Variants in ROS1 observed in about 807,000 individuals in gnomAD.
ROS1 encodes proto-oncogene tyrosine-protein kinase ROS.
Under a neutral mutation model 273.5 loss-of-function variants are expected in ROS1, and 263 were observed. The ratio of observed to expected loss-of-function variants is 0.96; its 90% confidence interval spans 0.87 to 1.06. The LOEUF (loss-of-function observed/expected upper bound fraction) is 1.06, where lower values mean the gene tolerates loss of function less well. Ranked by LOEUF, ROS1 falls within the 50% of genes least tolerant of loss-of-function variation. The probability of loss-of-function intolerance (pLI) is 0.00; values close to 1 mark genes in which losing one functional copy is unlikely to be tolerated. For missense variants in ROS1, 2,833 were observed against 2,751.1 expected, an observed-to-expected ratio of 1.03 and a Z score of -0.67; for synonymous variants, 1,008 against 954.1, an observed-to-expected ratio of 1.06 and a Z score of -1.04.
chr6:117,398,088 C>T (rs1009123917), intron 7 of ROS1, among the ~76,000 whole-genome samples: 3 of 152,206 alleles, frequency 2.0e-5, no homozygotes, highest in African/African-American at 7.2e-5. Context: ...CACTCCTCGG[C>T]TCCATGTAGT....
At chr6:117,347,506 T>C (rs1778476041) in intron 27 of ROS1, among the ~76,000 whole-genome samples, 1 of 152,102 alleles carries the variant, frequency 6.6e-6, no homozygotes, top group African/African-American at 2.4e-5. Flanking sequence ...ATGTCATCTG[T>C]GAACAAAGAC....
In ROS1 at chr6:117,357,963, T is replaced by C. The variant is rs1161261865; in HGVS notation, c.3680A>G (p.Asp1227Gly). 8 of 1,613,698 alleles carry C rather than the reference T, an allele frequency of 5.0e-6. No homozygotes were observed. Among genetic ancestry groups the C allele is most frequent in the Non-Finnish European group, 5.9e-6 (7 of 1,179,786 alleles). Residue 1227 changes from aspartate (D) to glycine (G), a missense_variant, in exon 25 of 44, where the codon GAC (aspartate) becomes GGC (glycine). Physicochemically the swap from Asp to Gly is moderately conservative, Grantham distance 94 (BLOSUM62 -1). Transcript: ENST00000368507. Reference protein sequence around the residue: ...LVFDITVITIDWISRHLYFAL... With the variant: ...LVFDITVITIGWISRHLYFAL... ...AAAGTAGAGGTGCCTTGAAATCCAG[T>C]CAATTGTAATAACTGTGATATCAAA...
chr6:117,320,100 T>C, intron 36 of ROS1, 70 bp from the exon 37 acceptor site: 1 of 1,354,140 alleles, frequency 7.4e-7, no homozygotes, highest in Non-Finnish European at 1.0e-6. Context: ...GTGTTGGTAT[T>C]GGTATTTGTG....
intron 13 of ROS1, among the ~76,000 whole-genome samples, chr6:117,388,311 T>C (rs1349826290): frequency 6.6e-6 from 1 of 152,152 alleles, no homozygotes; most frequent in East Asian, 1.9e-4. Flanking sequence ...ATCAGGCTCT[T>C]AATAAAAAAT....
At chr6:117,309,310 G>A (rs904572237) in intron 41 of ROS1, among the ~76,000 whole-genome samples, 1 of 152,046 alleles carries the variant, frequency 6.6e-6, no homozygotes, top group African/African-American at 2.4e-5. Flanking sequence ...ATATATACAT[G>A]TATACACACA....
At chr6:117,313,571 C>CAA (rs779633445) in intron 39 of ROS1, among the ~76,000 whole-genome samples, 3 of 115,544 alleles carry the variant, frequency 2.6e-5, no homozygotes, top group African/African-American at 3.2e-5. Context: ...AGACTCTGTC[C>CAA]AAAAAAAAAA....
chr6:117,384,367 C>T (rs1772395484), intron 16 of ROS1, among the ~76,000 whole-genome samples: 2 of 152,120 alleles, frequency 1.3e-5, no homozygotes, highest in African/African-American at 2.4e-5. Flanking sequence ...ACTAAAAAAT[C>T]TCTGAATTCT....
intron 26 of ROS1, among the ~76,000 whole-genome samples, chr6:117,354,835 C>A (rs1465481249): frequency 6.6e-6 from 1 of 152,106 alleles, no homozygotes; most frequent in Non-Finnish European, 1.5e-5. Context: ...AAGATAAGTG[C>A]AATAGCGCAC....
At chr6:117,374,808 T>C (rs1757867897) in intron 18 of ROS1, among the ~76,000 whole-genome samples, 1 of 152,100 alleles carries the variant, frequency 6.6e-6, no homozygotes, top group Non-Finnish European at 1.5e-5. Flanking sequence ...TAATAGATGT[T>C]GGCATGGATG....
chr6:117,407,109 G>T (rs533049382), intron 5 of ROS1, among the ~76,000 whole-genome samples: 1 of 152,128 alleles, frequency 6.6e-6, no homozygotes, highest in South Asian at 2.1e-4. Context: ...CCACAGAAAC[G>T]TCTAGGGTGT....
At position 117,359,936 on chromosome 6, in the gene ROS1, A is replaced by G; in HGVS notation, c.3506T>C (p.Val1169Ala). ...IVFLDMDQNQ[V>A]VWTFSAERVI... is the part of the protein sequence containing the mutation. The stretch of plus-strand genomic sequence containing the variant: ...TCTTTCTGCTGAAAACGTCCACACA[A>G]CTTGATTTTGATCCATATCTAAAAA... The change falls in exon 24 of 44, where the codon GTT becomes GCT. Residue 1169 changes from valine to alanine, a missense_variant. Transcript: ENST00000368507. 1.2e-6 allele frequency: 2 copies of G among 1,613,926 alleles called. No homozygotes were observed. Among genetic ancestry groups the G allele is most frequent in the African/African-American group, 1.3e-5 (1 of 75,040 alleles).
At chr6:117,418,381 A>G (rs1775491472) in intron 2 of ROS1, 81 bp downstream of exon 2, 1 of 953,272 alleles carries the variant, frequency 1.0e-6, no homozygotes, top group African/African-American at 1.7e-5. Context: ...AGCAATTCTT[A>G]CTGTGATAAA....
Position 117,396,991 on chromosome 6 carries a change from TG to T in ROS1, c.729del (p.Ser243ArgfsTer6). On this transcript the variant is annotated frameshift_variant, in exon 8 of 44. Transcript: ENST00000368507. LOFTEE classifies it high-confidence loss of function. ...GTCCCTGCATCTAATTTTTGATTTTTGCTGATCAGCCTTAAGTTATAACCCA... is the reference window on the plus strand; with the variant it reads ...GTCCCTGCATCTAATTTTTGATTTTTCTGATCAGCCTTAAGTTATAACCCA... ...PILGYNLRLISKNQKLDAGTQ... is the reference protein window; with the variant it reads ...PILGYNLRLIXKNQKLDAGTQ... The T allele has an allele frequency of 6.2e-7, 1 of 1,614,190 alleles. No individual in the cohort carries two copies.
chr6:117,336,959 C>T (rs1777525880), intron 32 of ROS1, among the ~76,000 whole-genome samples: 1 of 152,020 alleles, frequency 6.6e-6, no homozygotes, highest in South Asian at 2.1e-4. Context: ...AGTAATTTTG[C>T]CCAGTTCAGG....
At chr6:117,415,687 G>A (rs1775282200) in intron 3 of ROS1, among the ~76,000 whole-genome samples, 1 of 152,190 alleles carries the variant, frequency 6.6e-6, no homozygotes, top group Admixed American at 6.5e-5. Flanking sequence ...AGTATCTGGG[G>A]ATGTATTTCC....
chr6:117,306,549 G>A (rs1225298834), intron 42 of ROS1, among the ~76,000 whole-genome samples: 4 of 152,230 alleles, frequency 2.6e-5, no homozygotes, highest in Non-Finnish European at 2.9e-5. Context: ...AGAAGGGCAG[G>A]AATGCTCTGA....
At chr6:117,404,128 G>A (rs1290172006) in intron 6 of ROS1, 152 bp downstream of exon 6, 21 of 683,944 alleles carry the variant, frequency 3.1e-5, no homozygotes, top group Non-Finnish European at 5.0e-5. Flanking sequence ...GGCTGAGGCA[G>A]GAGAATGGTG....
chr6:117,317,579 CATTGGGTTTT>C (rs2128556212), intron 38 of ROS1, among the ~76,000 whole-genome samples: 1 of 152,202 alleles, frequency 6.6e-6, no homozygotes, highest in South Asian at 2.1e-4. Context: ...TATTTAAAAA[CATTGGGTTTT>C]GGGTCATTAC....
At chr6:117,396,086 G>C in intron 9 of ROS1, 102 bp downstream of exon 9, 1 of 653,466 alleles carries the variant, frequency 1.5e-6, no homozygotes, top group Non-Finnish European at 2.7e-6. Flanking sequence ...GGGCAGAAGA[G>C]GTGGGTCTTG....
Sources: allele counts gnomAD v4.1 joint callset (sites outside exome capture counted in the v4.1 genomes callset), GRCh38; gene constraint gnomAD v4.1.1; transcripts MANE v1.5; gene names NCBI Gene and HGNC (gene_info 2026-07-23, HGNC 2026-07-21).